Variants in TLE3 observed in about 807,000 individuals in gnomAD.
The protein encoded by TLE3 is TLE family member 3, transcriptional corepressor.
TLE3 carries 14 observed loss-of-function variants against 93.0 expected under a neutral mutation model. The observed-to-expected ratio is 0.15, with a 90% CI of 0.10 to 0.24. The LOEUF (loss-of-function observed/expected upper bound fraction) is 0.24. TLE3 is among the 10% of genes least tolerant of loss of function. The pLI is 1.00. For missense variants in TLE3, 693 were observed against 1,046.6 expected, an observed-to-expected ratio of 0.66 and a Z score of 4.66; for synonymous variants, 451 against 425.0, an observed-to-expected ratio of 1.06 and a Z score of -0.75.
At chr15:70,051,212 TCCTTG>T (rs369668909) in intron 19 of TLE3, 174 bp downstream of exon 19, 54 of 567,276 alleles carry the variant, frequency 9.5e-5, no homozygotes, top group African/African-American at 8.8e-4. Context: ...AGTCCCCAGG[TCCTTG>T]GGAGAACCCA....
At chr15:70,062,547 G>T (rs979134974) in intron 8 of TLE3, among the ~76,000 whole-genome samples, 2 of 152,212 alleles carry the variant, frequency 1.3e-5, no homozygotes, top group Non-Finnish European at 2.9e-5. Flanking sequence ...CCTCTGGCTG[G>T]CAGGCGGCCA....
chr15:70,080,545 ATC>A, intron 4 of TLE3, among the ~76,000 whole-genome samples: 1 of 152,344 alleles, frequency 6.6e-6, no homozygotes, highest in Admixed American at 6.5e-5. Flanking sequence ...TCTGCCCTGC[ATC>A]TCTGTCAAGA....
chr15:70,051,658 G>C (rs1246188889), intron 18 of TLE3, among the ~76,000 whole-genome samples, 191 bp from the exon 19 acceptor site: 1 of 152,104 alleles, frequency 6.6e-6, no homozygotes, highest in Non-Finnish European at 1.5e-5. Context: ...TGAAATCCAG[G>C]GGGAGGGCTG....
At chr15:70,061,265 A>AT (rs1198955586) in intron 8 of TLE3, among the ~76,000 whole-genome samples, 1 of 152,120 alleles carries the variant, frequency 6.6e-6, no homozygotes, top group African/African-American at 2.4e-5. Flanking sequence ...TGTAAAAAAA[A>AT]CAAAAATGCC....
chr15:70,060,781 C>A (rs2056419971), intron 8 of TLE3, 132 bp from the exon 9 acceptor site: 1 of 1,480,334 alleles, frequency 6.8e-7, no homozygotes, highest in Non-Finnish European at 9.1e-7. Flanking sequence ...CTCTGCCCTG[C>A]AGATCGTGGC....
At chr15:70,055,911 ACTG>A in intron 14 of TLE3, 1 of 349,268 alleles carries the variant, frequency 2.9e-6, no homozygotes, top group Non-Finnish European at 5.4e-6. Flanking sequence ...GGAGGGAAGC[ACTG>A]CTGACAGGGA....
rs747965134 is a variant in TLE3 at position 70,076,175 on chromosome 15, A to G, written c.235-17T>C. The stretch of plus-strand genomic sequence containing the variant: ...AATCTCTGTCTGCAAAGGCAAGGAG[A>G]CCACATGAAGCTCAGGCAAATAAAT... On this transcript the variant is annotated splice_polypyrimidine_tract_variant and intron_variant, in intron 4 of 19. Transcript: ENST00000451782. The G allele has an allele frequency of 1.2e-6, 2 of 1,613,374 alleles. No individual in the cohort carries two copies. The highest frequency in any genetic ancestry group is 1.7e-6 in the Non-Finnish European group (2 of 1,179,384).
intron 16 of TLE3, 111 bp from the exon 17 acceptor site, chr15:70,053,485 G>A (rs2055731100): frequency 2.4e-6 from 3 of 1,262,288 alleles, no homozygotes; most frequent in South Asian, 3.1e-5. Context: ...CCAGAAGAGT[G>A]CACTATGCGC....
At chr15:70,089,917 G>A (rs1402551076) in intron 4 of TLE3, among the ~76,000 whole-genome samples, 1 of 152,228 alleles carries the variant, frequency 6.6e-6, no homozygotes, top group Non-Finnish European at 1.5e-5. Flanking sequence ...CGGGCTCCTG[G>A]TCCAAGAGAG....
intron 15 of TLE3, 173 bp from the exon 16 acceptor site, chr15:70,054,858 T>G (rs2055876750): frequency 8.2e-7 from 1 of 1,224,516 alleles, no homozygotes; most frequent in Non-Finnish European, 1.1e-6. Context: ...TGATCTTTCA[T>G]GAATACCAGG....
At chr15:70,094,752 G>A (rs556235156) in intron 3 of TLE3, 176 bp from the exon 4 acceptor site, 27 of 592,952 alleles carry the variant, frequency 4.6e-5, no homozygotes, top group Middle Eastern at 4.6e-4. Context: ...TGACAAGGGC[G>A]AGCGTTCCTC....
At chr15:70,073,064 A>G (rs550380299) in intron 6 of TLE3, among the ~76,000 whole-genome samples, 1 of 152,280 alleles carries the variant, frequency 6.6e-6, no homozygotes, top group Non-Finnish European at 1.5e-5. Flanking sequence ...AAGTGTCCCT[A>G]TGGGCTCAGC....
chr15:70,096,123 C>T, intron 2 of TLE3, 38 bp downstream of exon 2: 1 of 1,537,968 alleles, frequency 6.5e-7, no homozygotes, highest in Middle Eastern at 1.8e-4. Flanking sequence ...GGACCCACCC[C>T]TCCCCGCCAG....
chr15:70,061,884 T>G lies in TLE3; in HGVS notation c.595-1235A>C, dbSNP rs550689207. ...CCCAGTCCCCATGCAACACAGGAGG[T>G]CATATGGAGACCCAGAGGGACATCT... On this transcript the variant is annotated intron_variant, in intron 8 of 19. Coordinates refer to ENST00000451782, the MANE Select transcript of TLE3 (RefSeq NM_001105192.3). Among the ~76,000 whole-genome samples the G allele has an allele frequency of 4.5e-3, 685 of 151,888 alleles. 5 individuals carry two copies. The highest frequency in any genetic ancestry group is 0.016 in the African/African-American group (656 of 41,396).
chr15:70,089,355 G>A (rs957185288), intron 4 of TLE3, among the ~76,000 whole-genome samples: 4 of 152,204 alleles, frequency 2.6e-5, no homozygotes, highest in South Asian at 2.1e-4. Context: ...TGTCTTATTC[G>A]GCTGTGTAAC....
intron 4 of TLE3, among the ~76,000 whole-genome samples, chr15:70,091,524 TGGA>T (rs1412405735): frequency 6.6e-6 from 1 of 152,230 alleles, no homozygotes. Context: ...GGGGGCTTGG[TGGA>T]GGTGGGTGAC....
At position 70,075,893 on chromosome 15, in the gene TLE3, A is replaced by G. The variant is rs546075428; in HGVS notation, c.297+203T>C. On this transcript the variant is annotated intron_variant, in intron 5 of 19. Coordinates refer to ENST00000451782, the MANE Select transcript of TLE3 (RefSeq NM_001105192.3). ...GAGAAACAATTCTATGAGAAGAAGG[A>G]GCAAATGGTCCCTCTGATATGGCCC... is the stretch of plus-strand genomic sequence containing the variant. Among the ~76,000 whole-genome samples the G allele has an allele frequency of 1.1e-3, 170 of 152,264 alleles. 1 individual carries two copies. The highest frequency in any genetic ancestry group is 4.0e-3 in the African/African-American group (165 of 41,552).
chr15:70,080,583 A>G (rs2057723529), intron 4 of TLE3, among the ~76,000 whole-genome samples: 1 of 152,174 alleles, frequency 6.6e-6, no homozygotes, highest in South Asian at 2.1e-4. Context: ...ATGACAGAAA[A>G]CAAGATAGTG....
intron 6 of TLE3, among the ~76,000 whole-genome samples, chr15:70,071,552 CTT>C (rs1016511039): frequency 1.3e-5 from 2 of 152,192 alleles, no homozygotes; most frequent in African/African-American, 4.8e-5. Flanking sequence ...TCTGATTTCT[CTT>C]TGAGTTGAGT....
Sources: gnomAD v4.1 joint callset for allele counts (sites outside exome capture counted in the v4.1 genomes callset) on GRCh38, gnomAD v4.1.1 for gene constraint, MANE v1.5 for transcripts, NCBI Gene and HGNC (gene_info 2026-07-23, HGNC 2026-07-21) for gene names.